The following ANGPT1 variants were observed in gnomAD, a reference collection of about 807,000 sequenced individuals.
ANGPT1 encodes the protein angiopoietin 1, also known as angiopoietin-1.
A neutral mutation model predicts 62.2 loss-of-function variants in ANGPT1; 17 were observed. The observed-to-expected ratio is 0.27, with a 90% CI of 0.19 to 0.41. The LOEUF is 0.41. Among genes scored for constraint, ANGPT1 ranks in the 10% least tolerant of loss-of-function variants. The probability of loss-of-function intolerance (pLI) is 1.00; values close to 1 mark genes in which losing one functional copy is unlikely to be tolerated. For missense variants in ANGPT1, 478 were observed against 594.9 expected (o/e 0.80, Z 2.04); for synonymous variants, 199 against 198.9 (o/e 1.00, Z 0.00).
chr8:107,364,702 G>A (rs951408140), intron 1 of ANGPT1, among the ~76,000 whole-genome samples: 1 of 152,196 alleles, frequency 6.6e-6, no homozygotes, highest in African/African-American at 2.4e-5. Context: ...ACACCAAAGT[G>A]TAAGTATCTG....
At chr8:107,325,670 C>T (rs1815269418) in intron 3 of ANGPT1, among the ~76,000 whole-genome samples, 1 of 152,074 alleles carries the variant, frequency 6.6e-6, no homozygotes, top group Non-Finnish European at 1.5e-5. Flanking sequence ...ACTATTCTTA[C>T]TCTAGGGTTT....
intron 1 of ANGPT1, among the ~76,000 whole-genome samples, chr8:107,468,222 T>C (rs1812257164): frequency 6.6e-6 from 1 of 152,044 alleles, no homozygotes; most frequent in South Asian, 2.1e-4. Context: ...TCTGTGCTCA[T>C]TGGGAGGTGG....
At chr8:107,361,133 T>C (rs185544587) in intron 1 of ANGPT1, among the ~76,000 whole-genome samples, 22 of 152,204 alleles carry the variant, frequency 1.4e-4, no homozygotes, top group Admixed American at 9.8e-4. Context: ...ATCAAGCAAA[T>C]ATGGATTCTA....
chr8:107,284,233 TA>T (rs1814084043), intron 7 of ANGPT1: 1 of 152,160 alleles, frequency 6.6e-6, no homozygotes, highest in Non-Finnish European at 1.5e-5. Context: ...CATTCAAACA[TA>T]AAAAAATTTT....
At chr8:107,450,551 A>G (rs1193513282) in intron 1 of ANGPT1, among the ~76,000 whole-genome samples, 3 of 152,018 alleles carry the variant, frequency 2.0e-5, no homozygotes, top group African/African-American at 7.2e-5. Context: ...TAACAAGCAC[A>G]TAAGAAATTG....
chr8:107,436,873 C>T (rs192763157), intron 1 of ANGPT1, among the ~76,000 whole-genome samples: 1 of 152,146 alleles, frequency 6.6e-6, no homozygotes, highest in Admixed American at 6.5e-5. Context: ...ATTTGAAAAT[C>T]AACAACTTAT....
chr8:107,438,465 T>C (rs1811392979), intron 1 of ANGPT1, among the ~76,000 whole-genome samples: 1 of 152,200 alleles, frequency 6.6e-6, no homozygotes, highest in Non-Finnish European at 1.5e-5. Context: ...ATTTTGAAGA[T>C]TTTAAATATC....
intron 1 of ANGPT1, among the ~76,000 whole-genome samples, chr8:107,467,309 T>C (rs1812230291): frequency 6.7e-6 from 1 of 149,216 alleles, no homozygotes; most frequent in Non-Finnish European, 1.5e-5. Flanking sequence ...TTTAACATTT[T>C]ATTTATTCAT....
intron 1 of ANGPT1, among the ~76,000 whole-genome samples, chr8:107,434,681 T>A (rs1212794882): frequency 6.6e-6 from 1 of 152,194 alleles, no homozygotes; most frequent in Non-Finnish European, 1.5e-5. Context: ...CCTGATTACA[T>A]GGCAATGATT....
rs1563591216 is a variant in ANGPT1 at position 107,370,405 on chromosome 8, AAAG to A, written c.298-23311_298-23309del. Among the ~76,000 whole-genome samples the A allele has an allele frequency of 1.5e-3, 206 of 137,524 alleles. 43 individuals are homozygous for A. The highest frequency in any genetic ancestry group is 5.1e-3 in the African/African-American group (193 of 37,930). 90.2% of individuals were successfully genotyped at this position (137,524 alleles called of 152,430 possible). On this transcript the variant is annotated intron_variant, in intron 1 of 8. Transcript: ENST00000517746. ...GAAAGAAAGAAAGAAAGAAAGAAAG[AAAG>A]AGTCAGGGTCAGTGGCTCAGGCCTA...
chr8:107,474,942 A>G (rs1332545110), intron 1 of ANGPT1, among the ~76,000 whole-genome samples: 1 of 152,200 alleles, frequency 6.6e-6, no homozygotes, highest in Non-Finnish European at 1.5e-5. Context: ...AGAGGACACA[A>G]ACAAATGGAA....
intron 1 of ANGPT1, among the ~76,000 whole-genome samples, chr8:107,423,267 G>T (rs1260878382): frequency 6.6e-6 from 1 of 152,190 alleles, no homozygotes; most frequent in Non-Finnish European, 1.5e-5. Flanking sequence ...GACTAAATGA[G>T]ATAAAGCGTC....
intron 1 of ANGPT1, among the ~76,000 whole-genome samples, chr8:107,471,133 C>G (rs1812346016): frequency 1.3e-5 from 2 of 151,998 alleles, no homozygotes; most frequent in Non-Finnish European, 1.5e-5. Flanking sequence ...TAGCAAAGAC[C>G]TGGAACCAAC....
chr8:107,433,048 T>G (rs564358261), intron 1 of ANGPT1, among the ~76,000 whole-genome samples: 79 of 152,358 alleles, frequency 5.2e-4, no homozygotes, highest in Non-Finnish European at 9.3e-4. Flanking sequence ...TTCACATTCA[T>G]GTGAAATAAT....
At chr8:107,432,416 G>A (rs1327490158) in intron 1 of ANGPT1, among the ~76,000 whole-genome samples, 1 of 152,168 alleles carries the variant, frequency 6.6e-6, no homozygotes, top group Non-Finnish European at 1.5e-5. Context: ...TGTAATCCCA[G>A]CACTTTGGGA....
chr8:107,371,856 G>A (rs916687864), intron 1 of ANGPT1, among the ~76,000 whole-genome samples: 2 of 152,122 alleles, frequency 1.3e-5, no homozygotes, highest in Non-Finnish European at 2.9e-5. Flanking sequence ...ATAAAGGCAT[G>A]AATGAATGGT....
intron 7 of ANGPT1, among the ~76,000 whole-genome samples, chr8:107,283,384 A>C (rs1047591019): frequency 6.6e-6 from 1 of 152,052 alleles, no homozygotes; most frequent in African/African-American, 2.4e-5. Context: ...TTTTAGATCT[A>C]TTTCTCATTC....
At chr8:107,488,738 A>G (rs1214158694) in intron 1 of ANGPT1, among the ~76,000 whole-genome samples, 1 of 152,190 alleles carries the variant, frequency 6.6e-6, no homozygotes. Flanking sequence ...TAAGGTTACA[A>G]TTCTCACCCC....
intron 1 of ANGPT1, among the ~76,000 whole-genome samples, chr8:107,490,568 C>A (rs1812930507): frequency 2.0e-5 from 3 of 152,204 alleles, no homozygotes; most frequent in Admixed American, 2.0e-4. Context: ...TACTGGGCCT[C>A]CTGGAGGGCG....
Sources: allele counts gnomAD v4.1 joint callset (sites outside exome capture counted in the v4.1 genomes callset), GRCh38; gene constraint gnomAD v4.1.1; transcripts MANE v1.5; gene names NCBI Gene and HGNC (gene_info 2026-07-23, HGNC 2026-07-21).